SMYD3: variants seen among roughly 807,000 people sequenced by gnomAD.
SMYD3 encodes SET and MYND domain containing 3, also known as histone-lysine N-methyltransferase SMYD3.
In SMYD3, 36 loss-of-function variants were observed where a neutral mutation model predicts 57.7. That is an observed-to-expected ratio of 0.62 (90% CI 0.48 to 0.82). The LOEUF is 0.82. Ranked by LOEUF, SMYD3 falls within the 40% of genes least tolerant of loss-of-function variation. SMYD3 has a pLI of 0.00. For synonymous variants in SMYD3, 211 were observed against 195.0 expected (o/e 1.08, Z -0.68); for missense variants, 515 against 538.8 (o/e 0.96, Z 0.44).
intron 10 of SMYD3, among the ~76,000 whole-genome samples, chr1:245,829,440 G>A (rs572298838): frequency 2.0e-5 from 3 of 152,096 alleles, no homozygotes; most frequent in South Asian, 2.1e-4. Flanking sequence ...AGATACTACC[G>A]CCCATCCACT....
Position 245,933,787 on chromosome 1 carries a change from G to A in SMYD3, c.532-3850C>T, listed in dbSNP as rs189393057. Reference sequence around the variant, plus strand: ...TTCTTAGGACTAAAGGCTTTGTATTGTAGCAGCAGTTAAACTGAGATATTT... The same window carrying A: ...TTCTTAGGACTAAAGGCTTTGTATTATAGCAGCAGTTAAACTGAGATATTT... On this transcript the variant is annotated intron_variant, in intron 5 of 11. Transcript: ENST00000490107. 5.3e-5 allele frequency among the ~76,000 whole-genome samples: 8 copies of A among 152,218 alleles called. No homozygotes were observed. In the East Asian group the frequency reaches 1.5e-3, roughly 29 times the overall value.
chr1:245,760,550 T>C (rs1469804255), intron 11 of SMYD3, among the ~76,000 whole-genome samples: 1 of 152,118 alleles, frequency 6.6e-6, no homozygotes, highest in Non-Finnish European at 1.5e-5. Flanking sequence ...TGTAAACAGC[T>C]AACCAGCAGG....
In SMYD3 at chr1:246,397,321, T is replaced by C. The variant is rs2066689353; in HGVS notation, c.165-42227A>G. On this transcript the variant is annotated intron_variant, in intron 1 of 11. Coordinates refer to ENST00000490107, the MANE Select transcript of SMYD3 (RefSeq NM_001167740.2). The stretch of plus-strand genomic sequence containing the variant: ...CTTGAATCATCCCAAAGCCATCCCC[T>C]GTCCTCCAGTCTGTGGAAAAATGAT... 2.6e-5 allele frequency among the ~76,000 whole-genome samples: 4 copies of C among 152,320 alleles called. No individual in the cohort carries two copies. The South Asian group carries it at 8.3e-4, about 32-fold the overall frequency.
chr1:246,327,121 C>G, intron 5 of SMYD3, 80 bp downstream of exon 5: 2 of 1,555,894 alleles, frequency 1.3e-6, no homozygotes, highest in Non-Finnish European at 1.8e-6. Context: ...TCAAGATTCT[C>G]GACATTTTTG....
intron 5 of SMYD3, among the ~76,000 whole-genome samples, chr1:246,196,011 A>T (rs2062826202): frequency 6.6e-6 from 1 of 152,162 alleles, no homozygotes; most frequent in African/African-American, 2.4e-5. Context: ...AGCTAGTGAA[A>T]ATCAATTTTA....
At chr1:245,843,358 C>T (rs773274287) in intron 10 of SMYD3, among the ~76,000 whole-genome samples, 1 of 152,162 alleles carries the variant, frequency 6.6e-6, no homozygotes, top group Non-Finnish European at 1.5e-5. Context: ...AGCATAGCTA[C>T]AGCTGCTTTG....
chr1:246,126,562 T>C (rs777655680), intron 5 of SMYD3, among the ~76,000 whole-genome samples: 1 of 152,238 alleles, frequency 6.6e-6, no homozygotes, highest in Non-Finnish European at 1.5e-5. Context: ...TGAAAAATCA[T>C]GTCGACAATT....
chr1:245,853,377 C>T lies in SMYD3; in HGVS notation c.1076+5119G>A, dbSNP rs772518633. 4.3e-4 allele frequency among the ~76,000 whole-genome samples: 66 copies of T among 152,156 alleles called. 1 individual carries two copies. The highest frequency in any genetic ancestry group is 2.4e-4 in the Non-Finnish European group (16 of 68,038). On this transcript the variant is annotated intron_variant, in intron 10 of 11. Coordinates refer to ENST00000490107, the MANE Select transcript of SMYD3 (RefSeq NM_001167740.2). ...AACATCTGAGCAACAAGGAGAGATG[C>T]GGGATTGGGAGAGGCAGACCCAAAG...
intron 5 of SMYD3, among the ~76,000 whole-genome samples, chr1:246,123,963 A>G (rs1558249431): frequency 6.6e-6 from 1 of 152,166 alleles, no homozygotes; most frequent in Non-Finnish European, 1.5e-5. Flanking sequence ...CATCCTTGTC[A>G]CTATATCTAT....
chr1:246,429,356 A>G lies in SMYD3; in HGVS notation c.165-74262T>C, dbSNP rs376377798. The stretch of plus-strand genomic sequence containing the variant: ...GATGCTATGGATTGTAAGACATGCC[A>G]TTATTAAAGATACCATTAAAAACAG... On this transcript the variant is annotated intron_variant, in intron 1 of 11. Coordinates refer to ENST00000490107, the MANE Select transcript of SMYD3 (RefSeq NM_001167740.2). Among the ~76,000 whole-genome samples, 14 of 152,324 alleles carry G rather than the reference A, an allele frequency of 9.2e-5. No individual in the cohort carries two copies. In the East Asian group the frequency reaches 2.1e-3, roughly 23 times the overall value.
At chr1:246,335,169 G>A (rs1203424616) in intron 3 of SMYD3, among the ~76,000 whole-genome samples, 198 bp downstream of exon 3, 1 of 152,148 alleles carries the variant, frequency 6.6e-6, no homozygotes, top group Non-Finnish European at 1.5e-5. Flanking sequence ...ACACTTAATA[G>A]ACTACGGTAT....
In SMYD3 at chr1:246,099,313, T is replaced by C. The variant is rs538506194; in HGVS notation, c.532-169376A>G. ...CATTCTATCTACCCATCTGCTTCTC[T>C]GTGGCAACAAACTGATTTCCATGGG... On this transcript the variant is annotated intron_variant, in intron 5 of 11. Coordinates refer to ENST00000490107, the MANE Select transcript of SMYD3 (RefSeq NM_001167740.2). Among the ~76,000 whole-genome samples the C allele has an allele frequency of 2.0e-5, 3 of 152,322 alleles. No homozygotes were observed. The South Asian group carries it at 6.2e-4, about 32-fold the overall frequency.
chr1:246,252,567 AT>A (rs1188911737), intron 5 of SMYD3, among the ~76,000 whole-genome samples: 6 of 152,172 alleles, frequency 3.9e-5, no homozygotes, highest in Admixed American at 3.9e-4. Flanking sequence ...AAATCCATGT[AT>A]TTATTAAAAG....
chr1:245,949,825 A>ACCCCCCCCC (rs376505931), intron 5 of SMYD3, among the ~76,000 whole-genome samples: 3 of 93,302 alleles, frequency 3.2e-5, no homozygotes, highest in Admixed American at 2.2e-4. Context: ...AAAGAAACCC[A>ACCCCCCCCC]CCCCCCCCAC....
At chr1:246,409,289 T>C (rs1255464596) in intron 1 of SMYD3, among the ~76,000 whole-genome samples, 1 of 152,242 alleles carries the variant, frequency 6.6e-6, no homozygotes, top group Non-Finnish European at 1.5e-5. Context: ...GGTTTTCTTC[T>C]AGGGTTTTTA....
intron 5 of SMYD3, among the ~76,000 whole-genome samples, chr1:246,298,464 T>A (rs1220510392): frequency 6.6e-6 from 1 of 152,132 alleles, no homozygotes; most frequent in African/African-American, 2.4e-5. Flanking sequence ...AAAGAGGCTA[T>A]CTTGTGTTTT....
At chr1:245,948,929 C>A (rs531680307) in intron 5 of SMYD3, among the ~76,000 whole-genome samples, 1 of 152,214 alleles carries the variant, frequency 6.6e-6, no homozygotes, top group African/African-American at 2.4e-5. Flanking sequence ...TGCCCTACCC[C>A]GTCCATCCAC....
At chr1:245,838,256 TGGGCTTA>T (rs1465082650) in intron 10 of SMYD3, among the ~76,000 whole-genome samples, 1 of 152,226 alleles carries the variant, frequency 6.6e-6, no homozygotes, top group Non-Finnish European at 1.5e-5. Flanking sequence ...GGGAAGCCTG[TGGGCTTA>T]GGGGGCACAG....
chr1:246,094,856 T>C (rs1444665754), intron 5 of SMYD3, among the ~76,000 whole-genome samples: 1 of 152,170 alleles, frequency 6.6e-6, no homozygotes, highest in Non-Finnish European at 1.5e-5. Context: ...CATCTAAATC[T>C]GCTGAGCGTA....
Sources: allele counts gnomAD v4.1 joint callset (sites outside exome capture counted in the v4.1 genomes callset), GRCh38; gene constraint gnomAD v4.1.1; transcripts MANE v1.5; gene names NCBI Gene and HGNC (gene_info 2026-07-23, HGNC 2026-07-21).